CXCL13: variants seen among roughly 807,000 people sequenced by gnomAD.
The protein encoded by CXCL13 is C-X-C motif chemokine ligand 13, also known as C-X-C motif chemokine 13.
CXCL13 carries 7 observed loss-of-function variants against 12.2 expected under a neutral mutation model. That is an observed-to-expected ratio of 0.57 (90% CI 0.33 to 1.07). The LOEUF (loss-of-function observed/expected upper bound fraction) is 1.07. Ranked by LOEUF, CXCL13 falls within the 50% of genes least tolerant of loss-of-function variation. CXCL13 has a pLI of 0.04. For missense variants in CXCL13, 113 were observed against 127.4 expected, an observed-to-expected ratio of 0.89 and a Z score of 0.55; for synonymous variants, 47 against 42.4, an observed-to-expected ratio of 1.11 and a Z score of -0.42.
chr4:77,530,738 T>A (rs1724892335), intron 1 of CXCL13, among the ~76,000 whole-genome samples: 1 of 152,180 alleles, frequency 6.6e-6, no homozygotes, highest in Non-Finnish European at 1.5e-5. Context: ...CCTGGATTCA[T>A]TGATTTTTTG....
At position 77,578,076 on chromosome 4, in the gene CXCL13, C is replaced by T. The variant is rs527693507; in HGVS notation, c.-42-27748C>T. Among the ~76,000 whole-genome samples, 9 of 152,266 alleles carry T rather than the reference C, an allele frequency of 5.9e-5. No individual in the cohort carries two copies. The South Asian group carries it at 1.5e-3, about 25-fold the overall frequency. ...GGCCTGGGGAATGGAACCCAGAAGACTGACATCCTGGCAAAAGGGTAAAAG... is the reference window on the plus strand; with the variant it reads ...GGCCTGGGGAATGGAACCCAGAAGATTGACATCCTGGCAAAAGGGTAAAAG... On this transcript the variant is annotated intron_variant, in intron 1 of 4. Coordinates refer to the CXCL13 transcript ENST00000286758.
At chr4:77,610,960 C>A in intron 3 of CXCL13, 28 bp from the exon 4 acceptor site, 1 of 1,596,126 alleles carries the variant, frequency 6.3e-7, no homozygotes. Context: ...CTAAACATGA[C>A]AATTTTGTTT....
chr4:77,525,340 G>A (rs1724736756), intron 1 of CXCL13, among the ~76,000 whole-genome samples: 1 of 152,158 alleles, frequency 6.6e-6, no homozygotes, highest in Admixed American at 6.6e-5. Context: ...AGTCTGTTTA[G>A]CTTTCTTCAA....
chr4:77,535,586 G>A (rs1578041962), intron 1 of CXCL13, among the ~76,000 whole-genome samples: 1 of 152,088 alleles, frequency 6.6e-6, no homozygotes, highest in Non-Finnish European at 1.5e-5. Context: ...CAAAGATAGG[G>A]CATAAAAATT....
At chr4:77,528,096 A>G (rs1415367865) in intron 1 of CXCL13, among the ~76,000 whole-genome samples, 1 of 152,320 alleles carries the variant, frequency 6.6e-6, no homozygotes, top group East Asian at 1.9e-4. Flanking sequence ...ATGTCCCTAT[A>G]AAGAACATGA....
At chr4:77,573,763 C>G (rs1223842655) in intron 1 of CXCL13, among the ~76,000 whole-genome samples, 1 of 151,878 alleles carries the variant, frequency 6.6e-6, no homozygotes, top group African/African-American at 2.4e-5. Context: ...GGGTTCAATT[C>G]CTGGCTTAGG....
At chr4:77,566,924 T>G (rs1282898659) in intron 1 of CXCL13, among the ~76,000 whole-genome samples, 5 of 152,238 alleles carry the variant, frequency 3.3e-5, no homozygotes, top group East Asian at 1.9e-4. Context: ...TCATATCCCC[T>G]GTGACCTGCA....
intron 1 of CXCL13, among the ~76,000 whole-genome samples, chr4:77,565,070 A>C (rs2109815066): frequency 6.6e-6 from 1 of 152,312 alleles, no homozygotes; most frequent in East Asian, 1.9e-4. Context: ...CCTTGGTTCA[A>C]CTTTTGTAGC....
At chr4:77,555,838 A>G (rs920358576) in intron 1 of CXCL13, among the ~76,000 whole-genome samples, 1 of 152,166 alleles carries the variant, frequency 6.6e-6, no homozygotes. Context: ...TAAAAAGATG[A>G]GAATGATCAA....
chr4:77,562,223 C>T (rs2109813427), intron 1 of CXCL13, among the ~76,000 whole-genome samples: 1 of 149,148 alleles, frequency 6.7e-6, no homozygotes, highest in East Asian at 2.1e-4. Flanking sequence ...ACCCCAACCC[C>T]CACCCCACCA....
At chr4:77,570,129 A>G (rs185189913) in intron 1 of CXCL13, among the ~76,000 whole-genome samples, 18 of 152,370 alleles carry the variant, frequency 1.2e-4, no homozygotes, top group Admixed American at 1.1e-3. Flanking sequence ...CTAATTCAAC[A>G]TGGATTAAAG....
intron 1 of CXCL13, among the ~76,000 whole-genome samples, chr4:77,532,444 G>A (rs554629789): frequency 3.1e-4 from 47 of 152,188 alleles, no homozygotes; most frequent in African/African-American, 1.1e-3. Context: ...TCCCTTTGTG[G>A]GTAACCTGAC....
At chr4:77,549,279 G>C (rs889541387) in intron 1 of CXCL13, among the ~76,000 whole-genome samples, 5 of 152,156 alleles carry the variant, frequency 3.3e-5, no homozygotes, top group Non-Finnish European at 7.3e-5. Flanking sequence ...CAATGAGTTA[G>C]AATATGTTCC....
intron 1 of CXCL13, among the ~76,000 whole-genome samples, chr4:77,550,435 G>A (rs1357719563): frequency 6.6e-6 from 1 of 152,168 alleles, no homozygotes; most frequent in African/African-American, 2.4e-5. Context: ...CTCCTGCTGG[G>A]AGCTGTAGAC....
At chr4:77,525,389 A>C (rs1350430715) in intron 1 of CXCL13, among the ~76,000 whole-genome samples, 1 of 152,110 alleles carries the variant, frequency 6.6e-6, no homozygotes, top group Non-Finnish European at 1.5e-5. Flanking sequence ...TCTTGATTTT[A>C]GGGTGGTAAG....
chr4:77,546,577 T>C (rs1307255409), intron 1 of CXCL13, among the ~76,000 whole-genome samples: 2 of 152,212 alleles, frequency 1.3e-5, no homozygotes, highest in Non-Finnish European at 2.9e-5. Context: ...TGTATTTCTG[T>C]GGGATCAGTG....
intron 1 of CXCL13, among the ~76,000 whole-genome samples, chr4:77,517,915 C>T (rs998319793): frequency 1.3e-5 from 2 of 152,206 alleles, no homozygotes; most frequent in Non-Finnish European, 2.9e-5. Flanking sequence ...ATGGTCTTTA[C>T]ATTTTGGCAT....
In CXCL13 at chr4:77,592,442, G is replaced by C. The variant is rs1578069250; in HGVS notation, c.-42-13382G>C. Reference sequence around the variant, plus strand: ...GGGGTTGGGGGAAGGGGAATGGGGAGATATTGGTGAAAGGGTACAAAGTTT... The same window carrying C: ...GGGGTTGGGGGAAGGGGAATGGGGACATATTGGTGAAAGGGTACAAAGTTT... On this transcript the variant is annotated intron_variant, in intron 1 of 4. Coordinates refer to the CXCL13 transcript ENST00000286758. 2.0e-5 allele frequency among the ~76,000 whole-genome samples: 3 copies of C among 152,258 alleles called. No homozygotes were observed. The South Asian group carries it at 6.2e-4, about 32-fold the overall frequency.
chr4:77,558,923 A>C (rs1168683343), intron 1 of CXCL13, among the ~76,000 whole-genome samples: 1 of 152,052 alleles, frequency 6.6e-6, no homozygotes, highest in African/African-American at 2.4e-5. Flanking sequence ...TCTGCCTTTC[A>C]CCCCTAGCTT....
Sources: gnomAD v4.1 joint callset for allele counts (sites outside exome capture counted in the v4.1 genomes callset) on GRCh38, gnomAD v4.1.1 for gene constraint, MANE v1.5 for transcripts, NCBI Gene and HGNC (gene_info 2026-07-23, HGNC 2026-07-21) for gene names.